GMEB1: variants seen among roughly 807,000 people sequenced by gnomAD.
GMEB1 encodes glucocorticoid modulatory element-binding protein 1.
GMEB1 carries 6 observed loss-of-function variants against 52.4 expected under a neutral mutation model. The ratio of observed to expected loss-of-function variants is 0.11; its 90% confidence interval spans 0.06 to 0.23. The LOEUF is 0.23. GMEB1 is among the 10% of genes least tolerant of loss of function. The probability of loss-of-function intolerance (pLI) is 1.00; values close to 1 mark genes in which losing one functional copy is unlikely to be tolerated. For synonymous variants in GMEB1, 255 were observed against 244.9 expected, an observed-to-expected ratio of 1.04 and a Z score of -0.38; for missense variants, 486 against 685.6, an observed-to-expected ratio of 0.71 and a Z score of 3.25.
intron 1 of GMEB1, 22 bp downstream of exon 1, chr1:28,668,861 C>CGCGCGG (rs1372392341): frequency 8.8e-6 from 1 of 113,080 alleles, no homozygotes; most frequent in East Asian, 2.8e-4. Flanking sequence ...GAGGGGTGGG[C>CGCGCGG]GCGCGGGCGC....
intron 1 of GMEB1, among the ~76,000 whole-genome samples, chr1:28,671,038 T>G (rs1668861836): frequency 6.6e-6 from 1 of 152,146 alleles, no homozygotes; most frequent in Non-Finnish European, 1.5e-5. Context: ...TACATAATAG[T>G]CTCCAGTCTG....
At chr1:28,684,611 C>T (rs1227645447) in intron 2 of GMEB1, among the ~76,000 whole-genome samples, 1 of 150,980 alleles carries the variant, frequency 6.6e-6, no homozygotes. Context: ...GAGCTGGAAG[C>T]CATCATCCTC....
chr1:28,687,903 G>A (rs1358492017), intron 2 of GMEB1, among the ~76,000 whole-genome samples: 2 of 151,938 alleles, frequency 1.3e-5, no homozygotes, highest in Non-Finnish European at 2.9e-5. Context: ...AGTATAGGAA[G>A]AAGAATAGTT....
At chr1:28,688,143 C>A (rs182420400) in intron 2 of GMEB1, among the ~76,000 whole-genome samples, 1 of 152,020 alleles carries the variant, frequency 6.6e-6, no homozygotes, top group African/African-American at 2.4e-5. Context: ...AATTAGCCAG[C>A]GTGGTGGCGC....
chr1:28,710,399 GT>G, intron 8 of GMEB1, 120 bp from the exon 9 acceptor site: 1 of 591,144 alleles, frequency 1.7e-6, no homozygotes, highest in Non-Finnish European at 2.7e-6. Context: ...TTAAAAATGT[GT>G]TAAAATGCAG....
rs189067260 is a variant in GMEB1, at chr1:28,714,569, G to A, written c.1488G>A (p.Ser496=). 6 of 1,614,094 alleles carry A rather than the reference G, an allele frequency of 3.7e-6. No individual in the cohort carries two copies. The highest frequency in any genetic ancestry group is 1.7e-5 in the Admixed American group (1 of 59,994). ...TGGCCATGGAGTCCGGCCTAACCTCGGCAATTCAGGCTGTTGAAAGCACCT... is the reference window on the plus strand; with the variant it reads ...TGGCCATGGAGTCCGGCCTAACCTCAGCAATTCAGGCTGTTGAAAGCACCT... ...ELVAMESGLT[S]AIQAVESTSE... is the part of the protein sequence containing the mutation. Residue 496 remains serine, a synonymous_variant, in exon 10 of 10, where the codon TCG becomes TCA. Coordinates refer to ENST00000373816, the MANE Select transcript of GMEB1 (RefSeq NM_001319674.2).
intron 1 of GMEB1, among the ~76,000 whole-genome samples, chr1:28,674,344 A>G (rs945038610): frequency 6.7e-6 from 1 of 149,782 alleles, no homozygotes; most frequent in Non-Finnish European, 1.5e-5. Context: ...GTCTCAAAAA[A>G]CAAAACGAAA....
chr1:28,697,257 G>A lies in GMEB1; in HGVS notation c.598+173G>A, dbSNP rs16837663. 4.8e-5 allele frequency among the ~76,000 whole-genome samples: 7 copies of A among 146,418 alleles called. No homozygotes were observed. The East Asian group carries it at 8.2e-4, about 17-fold the overall frequency. On this transcript the variant is annotated intron_variant, in intron 6 of 9. Coordinates refer to ENST00000373816, the MANE Select transcript of GMEB1 (RefSeq NM_001319674.2). ...GAGTTTTGCTCTTGTTGCCCAGGTT[G>A]GAGTGCAGTAGCGTGATCTCAGCTC...
intron 8 of GMEB1, among the ~76,000 whole-genome samples, chr1:28,706,294 C>T (rs1670759968): frequency 6.6e-6 from 1 of 152,050 alleles, no homozygotes; most frequent in East Asian, 1.9e-4. Flanking sequence ...TGTAAAATGA[C>T]GTTCTAATCT....
At position 28,691,578 on chromosome 1, in the gene GMEB1, T is replaced by C. The variant is rs1487922063; in HGVS notation, c.212-7T>C. 6.6e-7 allele frequency: 1 copy of C among 1,524,292 alleles called. No homozygotes were observed. The highest frequency in any genetic ancestry group is 2.4e-5 in the East Asian group (1 of 42,212). 94.4% of individuals were successfully genotyped at this position (1,524,292 alleles called of 1,614,324 possible). A position where few individuals can be genotyped will look rare whatever the true frequency, so the allele number is the denominator to read the frequency against. On this transcript the variant is annotated splice_region_variant and splice_polypyrimidine_tract_variant and intron_variant, in intron 3 of 9. Coordinates refer to ENST00000373816, the MANE Select transcript of GMEB1 (RefSeq NM_001319674.2). The stretch of plus-strand genomic sequence containing the variant: ...TGATAAATAACTGATATTTTTTCTG[T>C]TTTCAGATACAGGCACTATAGAAGC...
rs575202232 is a variant in GMEB1, at chr1:28,675,659, A to G, written c.-31+6820A>G. Among the ~76,000 whole-genome samples the G allele has an allele frequency of 3.7e-4, 55 of 150,200 alleles. 1 individual carries two copies. The highest frequency in any genetic ancestry group is 1.3e-3 in the African/African-American group (55 of 41,036). ...CCCGCCACTGCACTCCAGCCTGGGC[A>G]ACAGAGTGAGACTCTGTCTCAAAAA... On this transcript the variant is annotated intron_variant, in intron 1 of 9. Coordinates refer to ENST00000373816, the MANE Select transcript of GMEB1 (RefSeq NM_001319674.2).
At chr1:28,697,431 C>T (rs573271665) in intron 6 of GMEB1, among the ~76,000 whole-genome samples, 3 of 152,104 alleles carry the variant, frequency 2.0e-5, no homozygotes, top group African/African-American at 4.8e-5. Flanking sequence ...TGGTCTTGAA[C>T]TCCCAACCTC....
Position 28,714,167 on chromosome 1 carries a change from C to T in GMEB1, c.1086C>T (p.Ser362=), listed in dbSNP as rs1671183521. The change falls in exon 10 of 10, where the codon AGC becomes AGT. Residue 362 remains serine (S), a synonymous_variant. Transcript: ENST00000373816. ...AAAATGTGGTACTGATGCCTGTGAGCACTCCTAAGCCTCCAAAAAGGCCCC... is the reference window on the plus strand; with the variant it reads ...AAAATGTGGTACTGATGCCTGTGAGTACTCCTAAGCCTCCAAAAAGGCCCC... ...TVQNVVLMPV[S]TPKPPKRPRL... is the part of the protein sequence containing the mutation. The T allele has an allele frequency of 1.2e-6, 2 of 1,614,120 alleles. No homozygotes were observed. The highest frequency in any genetic ancestry group is 1.7e-6 in the Non-Finnish European group (2 of 1,179,976).
rs1217075098 is a variant in GMEB1, at chr1:28,702,358, A to C, written c.599-80A>C. 3 of 1,106,932 alleles carry C rather than the reference A, an allele frequency of 2.7e-6. No homozygotes were observed. In the East Asian group the frequency reaches 7.6e-5, roughly 28 times the overall value. The allele number at this position is 1,106,932 out of a possible 1,614,324, so 68.6% of individuals were successfully genotyped here. On this transcript the variant is annotated intron_variant, in intron 6 of 9. Coordinates refer to ENST00000373816, the MANE Select transcript of GMEB1 (RefSeq NM_001319674.2). ...AATGTTAAAATAACAAGGTCTTTGT[A>C]GCTATTGAGTATGAGATATAGGATA... is the stretch of plus-strand genomic sequence containing the variant.
At chr1:28,699,341 C>G (rs2124544916) in intron 6 of GMEB1, among the ~76,000 whole-genome samples, 1 of 152,236 alleles carries the variant, frequency 6.6e-6, no homozygotes, top group East Asian at 1.9e-4. Context: ...ATCTCAACTA[C>G]TGTTACAAGA....
At position 28,718,728 on chromosome 1, in the gene GMEB1, G is replaced by A. The variant is rs1331139271; in HGVS notation, c.*3955G>A. On this transcript the variant is annotated 3_prime_UTR_variant, in exon 10 of 10. Transcript: ENST00000373816. ...AGCAGACTGCCAAAGGCACAAACAA[G>A]CAGCTCTCCTTTACTGAGGTACTGA... 1 of 152,128 alleles carries A rather than the reference G, an allele frequency of 6.6e-6. No individual in the cohort carries two copies. The highest frequency in any genetic ancestry group is 1.5e-5 in the Non-Finnish European group (1 of 68,038). The allele number at this position is 152,128 out of a possible 1,614,324, so 9.4% of individuals were successfully genotyped here.
intron 2 of GMEB1, among the ~76,000 whole-genome samples, chr1:28,689,511 C>T (rs984730711): frequency 2.0e-5 from 3 of 152,102 alleles, no homozygotes; most frequent in African/African-American, 7.2e-5. Flanking sequence ...CTCCTGTAGT[C>T]CCAGCTACTC....
At position 28,699,737 on chromosome 1, in the gene GMEB1, G is replaced by GT. The variant is rs544963908; in HGVS notation, c.598+2664dup. Among the ~76,000 whole-genome samples, 1,360 of 143,492 alleles carry GT rather than the reference G, an allele frequency of 9.5e-3. 10 individuals carry two copies. Among genetic ancestry groups the GT allele is most frequent in the Middle Eastern group, 0.018 (5 of 274 alleles). The allele number at this position is 143,492 out of a possible 152,430, so 94.1% of individuals were successfully genotyped here. On this transcript the variant is annotated intron_variant, in intron 6 of 9. Coordinates refer to ENST00000373816, the MANE Select transcript of GMEB1 (RefSeq NM_001319674.2). ...GAGCCACCATGCCTGGCCCTTTTTTGTTTTTTTTTTTCTTTTTTGCCTTGT... is the reference window on the plus strand; with the variant it reads ...GAGCCACCATGCCTGGCCCTTTTTTGTTTTTTTTTTTTCTTTTTTGCCTTGT...
At chr1:28,700,622 C>CACCA (rs1670457682) in intron 6 of GMEB1, among the ~76,000 whole-genome samples, 1 of 149,948 alleles carries the variant, frequency 6.7e-6, no homozygotes, top group Non-Finnish European at 1.5e-5. Context: ...GACGCGGAGA[C>CACCA]TGCCGTGAGC....
Sources: gnomAD v4.1 joint callset for allele counts (sites outside exome capture counted in the v4.1 genomes callset) on GRCh38, gnomAD v4.1.1 for gene constraint, MANE v1.5 for transcripts, NCBI Gene and HGNC (gene_info 2026-07-23, HGNC 2026-07-21) for gene names.